The following ZPBP variants were observed in gnomAD, a reference collection of about 807,000 sequenced individuals.
ZPBP encodes the protein zona pellucida binding protein, also known as zona pellucida-binding protein 1.
Under a neutral mutation model 44.8 loss-of-function variants are expected in ZPBP, and 26 were observed. The observed-to-expected ratio is 0.58, with a 90% CI of 0.43 to 0.81. ZPBP has a LOEUF of 0.81. ZPBP is among the 30% of genes least tolerant of loss of function. ZPBP has a pLI of 0.00. For missense variants in ZPBP, 409 were observed against 434.0 expected, an observed-to-expected ratio of 0.94 and a Z score of 0.51; for synonymous variants, 174 against 153.2, an observed-to-expected ratio of 1.14 and a Z score of -1.00.
At chr7:49,992,677 T>G (rs1315880156) in intron 6 of ZPBP, among the ~76,000 whole-genome samples, 2 of 152,120 alleles carry the variant, frequency 1.3e-5, no homozygotes, top group Non-Finnish European at 2.9e-5. Flanking sequence ...TATGATATAA[T>G]TTACATAAAA....
Position 49,857,537 on chromosome 7 carries a change from T to C in ZPBP, n.510-7023A>G, listed in dbSNP as rs147741379. ...AGAAGACATACAGATGGCCGACAGG[T>C]AGAAGAAAAAGTGCTCAACATTGCT... On this transcript the variant is annotated intron_variant and non_coding_transcript_variant, in intron 2 of 2. Coordinates refer to the ZPBP transcript ENST00000465922. Among the ~76,000 whole-genome samples, 1,132 of 152,218 alleles carry C rather than the reference T, an allele frequency of 7.4e-3. 10 individuals are homozygous for C. The highest frequency in any genetic ancestry group is 0.026 in the African/African-American group (1,065 of 41,530).
chr7:50,087,009 A>G (rs1211860550), intron 2 of ZPBP, among the ~76,000 whole-genome samples: 2 of 152,132 alleles, frequency 1.3e-5, no homozygotes, highest in Non-Finnish European at 2.9e-5. Context: ...TCATAATGAA[A>G]TAGAAAGTCT....
chr7:49,980,115 TTTTATATTATAATTATATATTATA>T (rs1440898995), intron 7 of ZPBP, among the ~76,000 whole-genome samples: 4 of 98,874 alleles, frequency 4.0e-5, no homozygotes, highest in South Asian at 3.0e-4. Context: ...TATAATATAA[TTTTATATTATAATTATATATTATA>T]TTTATATTAT....
intron 3 of ZPBP, among the ~76,000 whole-genome samples, chr7:50,073,656 A>G (rs1419443469): frequency 6.6e-6 from 1 of 152,154 alleles, no homozygotes; most frequent in Non-Finnish European, 1.5e-5. Context: ...CAAAAAGCAG[A>G]AAGAAAAAAC....
chr7:49,978,699 G>A (rs1018576936), intron 7 of ZPBP, among the ~76,000 whole-genome samples: 1 of 151,886 alleles, frequency 6.6e-6, no homozygotes, highest in Non-Finnish European at 1.5e-5. Context: ...TTTCATACTT[G>A]AATGGATTTT....
At chr7:50,047,430 G>A (rs539005592) in intron 4 of ZPBP, among the ~76,000 whole-genome samples, 2 of 152,182 alleles carry the variant, frequency 1.3e-5, no homozygotes, top group Admixed American at 6.5e-5. Flanking sequence ...TCAAAAAGGA[G>A]ATGGATATTT....
intron 6 of ZPBP, among the ~76,000 whole-genome samples, chr7:49,985,840 C>A (rs1474731543): frequency 6.6e-6 from 1 of 152,146 alleles, no homozygotes; most frequent in African/African-American, 2.4e-5. Flanking sequence ...GGCCTGCCTG[C>A]ACACTGGGAA....
Position 49,937,612 on chromosome 7 carries a change from G to A in ZPBP, c.972C>T (p.Ser324=), listed in dbSNP as rs1191641022. The A allele has an allele frequency of 6.2e-7, 1 of 1,613,238 alleles. No homozygotes were observed. Among genetic ancestry groups the A allele is most frequent in the African/African-American group, 1.3e-5 (1 of 74,870 alleles). The part of the protein sequence containing the change: ...PKCPECCVIC[S]PGSYNPRDGI... ...CATCACGGGGGTTATATGATCCAGG[G>A]CTGCAGATCACTGTGAAAAAAGAGT... Residue 324 remains serine (S), a synonymous_variant, in exon 8 of 8, where the codon AGC becomes AGT. Coordinates refer to ENST00000046087, the MANE Select transcript of ZPBP (RefSeq NM_007009.3).
intron 5 of ZPBP, among the ~76,000 whole-genome samples, chr7:50,028,795 T>C (rs1443765255): frequency 2.0e-5 from 3 of 152,042 alleles, no homozygotes; most frequent in Admixed American, 1.3e-4. Context: ...TACAGGACTA[T>C]AGTTATACAC....
intron 2 of ZPBP, among the ~76,000 whole-genome samples, chr7:49,860,727 T>TA (rs1415064099): frequency 6.6e-6 from 1 of 152,226 alleles, no homozygotes; most frequent in Admixed American, 6.5e-5. Flanking sequence ...TATTTGTAGA[T>TA]AGAGTCATTA....
intron 3 of ZPBP, among the ~76,000 whole-genome samples, chr7:50,079,383 CAT>C (rs1201105069): frequency 1.3e-5 from 2 of 151,530 alleles, no homozygotes; most frequent in Non-Finnish European, 3.0e-5. Context: ...ATATCTGACA[CAT>C]AGTAATCTTA....
chr7:49,864,299 A>G (rs1790790898), intron 2 of ZPBP, among the ~76,000 whole-genome samples: 1 of 152,208 alleles, frequency 6.6e-6, no homozygotes, highest in South Asian at 2.1e-4. Flanking sequence ...AACCTCTTGT[A>G]GTCTCTGCAG....
At chr7:50,055,006 G>C (rs1800864403) in intron 4 of ZPBP, among the ~76,000 whole-genome samples, 2 of 152,090 alleles carry the variant, frequency 1.3e-5, no homozygotes, top group African/African-American at 4.8e-5. Context: ...TAGAAACTGA[G>C]GTTCTCATCT....
chr7:49,913,478 A>T (rs1793562945), intron 1 of ZPBP: 1 of 152,198 alleles, frequency 6.6e-6, no homozygotes, highest in Admixed American at 6.5e-5. Flanking sequence ...GCAAAACTAT[A>T]ATCACTATTA....
intron 3 of ZPBP, among the ~76,000 whole-genome samples, chr7:50,067,204 T>C (rs958553730): frequency 6.6e-6 from 1 of 152,098 alleles, no homozygotes; most frequent in Non-Finnish European, 1.5e-5. Context: ...GCCTTTCCCT[T>C]TTTTTTAGCC....
At chr7:49,995,660 G>GAT (rs754595849) in intron 6 of ZPBP, among the ~76,000 whole-genome samples, 1 of 152,088 alleles carries the variant, frequency 6.6e-6, no homozygotes, top group Non-Finnish European at 1.5e-5. Flanking sequence ...ATTTTCCTGT[G>GAT]ATATATATAC....
rs549406835 is a variant in ZPBP at position 50,044,635 on chromosome 7, G to C, written c.488-13325C>G. 4.6e-5 allele frequency among the ~76,000 whole-genome samples: 7 copies of C among 152,262 alleles called. No homozygotes were observed. The East Asian group carries it at 1.3e-3, about 29-fold the overall frequency. The stretch of plus-strand genomic sequence containing the variant: ...TAAACCAGGAAGAAATAAAATCCCT[G>C]AATAGAACAATAACAAGTTCTGAAA... On this transcript the variant is annotated intron_variant, in intron 4 of 7. Coordinates refer to ENST00000046087, the MANE Select transcript of ZPBP (RefSeq NM_007009.3).
chr7:49,967,957 T>C (rs1242373092), intron 7 of ZPBP, among the ~76,000 whole-genome samples: 1 of 152,146 alleles, frequency 6.6e-6, no homozygotes, highest in Non-Finnish European at 1.5e-5. Context: ...GAAAAATGTA[T>C]GTTCAAATAC....
chr7:50,089,603 A>C (rs1450107425), intron 2 of ZPBP, 26 bp downstream of exon 2: 1 of 1,524,552 alleles, frequency 6.6e-7, no homozygotes, highest in Non-Finnish European at 9.0e-7. Flanking sequence ...ACTTTTAAAA[A>C]TTAGTGAAAA....
Sources: gnomAD v4.1 joint callset for allele counts (sites outside exome capture counted in the v4.1 genomes callset) on GRCh38, gnomAD v4.1.1 for gene constraint, MANE v1.5 for transcripts, NCBI Gene and HGNC (gene_info 2026-07-23, HGNC 2026-07-21) for gene names.